Variants in VPS53 observed in about 807,000 individuals in gnomAD.
The protein encoded by VPS53 is vacuolar protein sorting-associated protein 53 homolog.
A neutral mutation model predicts 107.0 loss-of-function variants in VPS53; 70 were observed. That is an observed-to-expected ratio of 0.65 (90% CI 0.54 to 0.80). The LOEUF (loss-of-function observed/expected upper bound fraction) is 0.80, where lower values mean the gene tolerates loss of function less well. Among genes scored for constraint, VPS53 ranks in the 30% least tolerant of loss-of-function variants. The probability of loss-of-function intolerance (pLI) is 0.00; values close to 1 mark genes in which losing one functional copy is unlikely to be tolerated. For synonymous variants in VPS53, 409 were observed against 393.3 expected (o/e 1.04, Z -0.47); for missense variants, 917 against 1,049.4 (o/e 0.87, Z 1.74).
rs1208695389 is a variant in VPS53, at chr17:698,432, C to CA, written c.218+898dup. ...TGGGTGACAGAGCCAGACTCCATCT[C>CA]AAAAAAAAAAAAAAAAAATCTAGTA... On this transcript the variant is annotated intron_variant, in intron 3 of 21. Coordinates refer to ENST00000437048, the MANE Select transcript of VPS53 (RefSeq NM_001128159.3). Among the ~76,000 whole-genome samples, 970 of 97,164 alleles carry CA rather than the reference C, an allele frequency of 1.0e-2. 10 individuals are homozygous for CA. The highest frequency in any genetic ancestry group is 0.026 in the African/African-American group (664 of 25,608). 63.7% of individuals were successfully genotyped at this position (97,164 alleles called of 152,430 possible).
chr17:711,320 C>A (rs1481422140), intron 1 of VPS53, among the ~76,000 whole-genome samples: 1 of 152,164 alleles, frequency 6.6e-6, no homozygotes, highest in Non-Finnish European at 1.5e-5. Context: ...TGGGTCTCAC[C>A]CAGCTTGATA....
intron 4 of VPS53, among the ~76,000 whole-genome samples, chr17:684,466 C>G (rs1431970517): frequency 1.3e-5 from 2 of 152,048 alleles, no homozygotes; most frequent in Non-Finnish European, 2.9e-5. Context: ...ATACCAAAAA[C>G]CACAAAATAT....
chr17:552,150 T>C (rs1007209994), intron 16 of VPS53, among the ~76,000 whole-genome samples, 200 bp from the exon 17 acceptor site: 1 of 152,208 alleles, frequency 6.6e-6, no homozygotes, highest in Non-Finnish European at 1.5e-5. Context: ...AGTCAGGATA[T>C]AGAATCCCAC....
intron 12 of VPS53, among the ~76,000 whole-genome samples, chr17:599,185 T>G (rs1160734417): frequency 6.6e-6 from 1 of 150,872 alleles, no homozygotes; most frequent in Non-Finnish European, 1.5e-5. Context: ...GGGGCGCCTC[T>G]GCCCGGCCGC....
chr17:644,822 G>A (rs1261460848), intron 7 of VPS53, among the ~76,000 whole-genome samples: 4 of 152,194 alleles, frequency 2.6e-5, no homozygotes, highest in African/African-American at 9.6e-5. Flanking sequence ...GAGCTCAAGC[G>A]ATCTGCCTGT....
intron 7 of VPS53, among the ~76,000 whole-genome samples, chr17:642,525 T>C (rs1417764919): frequency 6.7e-6 from 1 of 150,032 alleles, no homozygotes; most frequent in African/African-American, 2.5e-5. Context: ...ACACTCATAC[T>C]TGGAAAGCGA....
intron 7 of VPS53, among the ~76,000 whole-genome samples, chr17:638,784 C>T (rs937039762): frequency 6.6e-6 from 1 of 152,230 alleles, no homozygotes; most frequent in Admixed American, 6.5e-5. Context: ...CCGAAAGATC[C>T]GCTGTTAGTC....
At chr17:583,801 C>T (rs1359459020) in intron 13 of VPS53, among the ~76,000 whole-genome samples, 4 of 151,126 alleles carry the variant, frequency 2.6e-5, no homozygotes, top group Non-Finnish European at 5.9e-5. Flanking sequence ...CCCTCAGGAC[C>T]TCAATGCATT....
intron 13 of VPS53, among the ~76,000 whole-genome samples, chr17:582,952 C>G (rs1380915219): frequency 6.6e-6 from 1 of 151,480 alleles, no homozygotes; most frequent in Non-Finnish European, 1.5e-5. Context: ...GAGAACCTCC[C>G]TTAGAACCTA....
intron 13 of VPS53, among the ~76,000 whole-genome samples, chr17:575,987 C>T (rs536269652): frequency 6.6e-6 from 1 of 151,894 alleles, no homozygotes; most frequent in Non-Finnish European, 1.5e-5. Context: ...CTAATGCATT[C>T]GCAGAGAACC....
At position 653,383 on chromosome 17, in the gene VPS53, T is replaced by A. The variant is rs758109987; in HGVS notation, c.516A>T (p.Gly172=). The change falls in exon 7 of 22, where the codon GGA becomes GGT. Residue 172 remains glycine (G), a synonymous_variant. Coordinates refer to ENST00000437048, the MANE Select transcript of VPS53 (RefSeq NM_001128159.3). ...CACCCTGAAGGAGATTAGCAACTTC[T>A]CCGTATTGTCTTCGCCTGGTCATGG... The part of the protein sequence containing the change: ...LEAMTRRRQY[G]EVANLLQGVM... 1.9e-6 allele frequency: 3 copies of A among 1,614,122 alleles called. No homozygotes were observed. The highest frequency in any genetic ancestry group is 2.7e-5 in the African/African-American group (2 of 74,930).
chr17:655,502 T>A (rs1971152753), intron 6 of VPS53, among the ~76,000 whole-genome samples: 1 of 151,662 alleles, frequency 6.6e-6, no homozygotes, highest in South Asian at 2.1e-4. Context: ...GGAGTGCATA[T>A]GGGCCTGTGT....
At chr17:654,248 C>G (rs992073942) in intron 6 of VPS53, among the ~76,000 whole-genome samples, 1 of 152,150 alleles carries the variant, frequency 6.6e-6, no homozygotes, top group Admixed American at 6.5e-5. Context: ...TAACTGAAAT[C>G]TGTAGGTTCT....
rs367752113 is a variant in VPS53 at position 597,714 on chromosome 17, G to C, written c.1218+4081C>G. Among the ~76,000 whole-genome samples, 20 of 151,594 alleles carry C rather than the reference G, an allele frequency of 1.3e-4. No individual in the cohort carries two copies. The East Asian group carries it at 2.7e-3, about 21-fold the overall frequency. ...TGCACCACCACGCCCGGCTAATTTTGTATTTTTAGTATGGTTTCACCATGT... is the reference window on the plus strand; with the variant it reads ...TGCACCACCACGCCCGGCTAATTTTCTATTTTTAGTATGGTTTCACCATGT... On this transcript the variant is annotated intron_variant, in intron 12 of 21. Transcript: ENST00000437048.
chr17:658,534 C>T (rs994455948), intron 5 of VPS53, among the ~76,000 whole-genome samples: 10 of 150,978 alleles, frequency 6.6e-5, no homozygotes, highest in Non-Finnish European at 8.9e-5. Flanking sequence ...TGGATAGATA[C>T]ATCCCACCAA....
intron 2 of VPS53, among the ~76,000 whole-genome samples, chr17:700,074 C>A (rs1309901924): frequency 6.6e-6 from 1 of 151,820 alleles, no homozygotes; most frequent in Non-Finnish European, 1.5e-5. Context: ...TTTGTGTACT[C>A]CTCTGTATTA....
At chr17:585,196 G>C (rs1044726828) in intron 13 of VPS53, among the ~76,000 whole-genome samples, 1 of 152,182 alleles carries the variant, frequency 6.6e-6, no homozygotes, top group South Asian at 2.1e-4. Flanking sequence ...CCCAATAATG[G>C]GACAAATCAA....
At chr17:558,884 A>G (rs1912689070) in intron 15 of VPS53, among the ~76,000 whole-genome samples, 1 of 151,392 alleles carries the variant, frequency 6.6e-6, no homozygotes, top group Non-Finnish European at 1.5e-5. Flanking sequence ...AATCCCAGCT[A>G]CTCAGGAGGC....
rs73975798 is a variant in VPS53, at chr17:662,154, A to T, written c.286-259T>A. ...TAAATGATTCCCCTCTACCTCAGTC[A>T]TTACTGTACATGTTATTGATAACAG... On this transcript the variant is annotated intron_variant, in intron 4 of 21. Transcript: ENST00000437048. Among the ~76,000 whole-genome samples, 3,983 of 152,292 alleles carry T rather than the reference A, an allele frequency of 0.026. 64 individuals carry two copies. The highest frequency in any genetic ancestry group is 0.069 in the East Asian group (360 of 5,186).
Sources: allele counts gnomAD v4.1 joint callset (sites outside exome capture counted in the v4.1 genomes callset), GRCh38; gene constraint gnomAD v4.1.1; transcripts MANE v1.5; gene names NCBI Gene and HGNC (gene_info 2026-07-23, HGNC 2026-07-21).